MYO10: variants seen among roughly 807,000 people sequenced by gnomAD.
MYO10 encodes unconventional myosin-X.
In MYO10, 133 loss-of-function variants were observed where a neutral mutation model predicts 257.3. The ratio of observed to expected loss-of-function variants is 0.52; its 90% CI spans 0.45 to 0.60. The LOEUF (loss-of-function observed/expected upper bound fraction) is 0.60. Among genes scored for constraint, MYO10 ranks in the 20% least tolerant of loss-of-function variants. The pLI is 0.00. For synonymous variants in MYO10, 1,104 were observed against 1,028.6 expected (o/e 1.07, Z -1.40); for missense variants, 2,399 against 2,635.7 (o/e 0.91, Z 1.97).
At position 16,666,142 on chromosome 5, in the gene MYO10, T is replaced by C. The variant is rs1474571405; in HGVS notation, c.*550A>G. 4 of 152,986 alleles carry C rather than the reference T, an allele frequency of 2.6e-5. No homozygotes were observed. Among genetic ancestry groups the C allele is most frequent in the Non-Finnish European group, 5.9e-5 (4 of 68,360 alleles). 9.5% of individuals were successfully genotyped at this position (152,986 alleles called of 1,614,324 possible). A position where few individuals can be genotyped will look rare whatever the true frequency, so the allele number is the denominator to read the frequency against. On this transcript the variant is annotated 3_prime_UTR_variant, in exon 41 of 41. Coordinates refer to ENST00000513610, the MANE Select transcript of MYO10 (RefSeq NM_012334.3). ...TTAAAAGATGAAACAAAGAAAAAAG[T>C]TGATTCATGTCATTCCATGAGAAAG...
In MYO10 at chr5:16,673,691, G is replaced by T; in HGVS notation, c.5163C>A (p.Thr1721=). Residue 1721 remains threonine, a synonymous_variant, in exon 36 of 41, where the codon ACC becomes ACA. Coordinates refer to ENST00000513610, the MANE Select transcript of MYO10 (RefSeq NM_012334.3). ...AGCTGCCTCTCCTCACCTCCCCAGCGGTGGTGTGGGAGTTGATGGTGATCT... is the reference window on the plus strand; with the variant it reads ...AGCTGCCTCTCCTCACCTCCCCAGCTGTGGTGTGGGAGTTGATGGTGATCT... The part of the protein sequence containing the change: ...SCKITINSHT[T]AGEVVEKLIR... 1 of 1,613,368 alleles carries T rather than the reference G, an allele frequency of 6.2e-7. No individual in the cohort carries two copies. Among genetic ancestry groups the T allele is most frequent in the South Asian group, 1.1e-5 (1 of 91,012 alleles).
At chr5:16,739,079 C>CGTA (rs938412897) in intron 19 of MYO10, among the ~76,000 whole-genome samples, 1 of 151,546 alleles carries the variant, frequency 6.6e-6, no homozygotes, top group Non-Finnish European at 1.5e-5. Flanking sequence ...CCCAGCTACT[C>CGTA]CAGTGCCGAG....
intron 9 of MYO10, 61 bp from the exon 10 acceptor site, chr5:16,769,264 A>G (rs1297851119): frequency 2.0e-6 from 3 of 1,464,808 alleles, no homozygotes; most frequent in African/African-American, 1.4e-5. Flanking sequence ...AAAATGTAGA[A>G]TATCCCTGAT....
chr5:16,663,328 G>GTTTGTT lies in MYO10; in HGVS notation c.*3363_*3364insAACAAA, dbSNP rs1736042206. ...AAAAAGTAACATTTTACTTCTAGTTGTTTTTTTTTTTTTTTTTTTTTTTTT... is the reference window on the plus strand; with the variant it reads ...AAAAAGTAACATTTTACTTCTAGTTGTTTGTTTTTTTTTTTTTTTTTTTTTTTTTTT... On this transcript the variant is annotated 3_prime_UTR_variant, in exon 41 of 41. Coordinates refer to ENST00000513610, the MANE Select transcript of MYO10 (RefSeq NM_012334.3). 1.0e-4 allele frequency: 8 copies of GTTTGTT among 76,888 alleles called. No homozygotes were observed. Among genetic ancestry groups the GTTTGTT allele is most frequent in the African/African-American group, 5.2e-4 (8 of 15,522 alleles). 4.8% of individuals were successfully genotyped at this position (76,888 alleles called of 1,614,324 possible). A position where few individuals can be genotyped will look rare whatever the true frequency, so the allele number is the denominator to read the frequency against.
At chr5:16,760,176 G>C (rs1740662482) in intron 17 of MYO10, among the ~76,000 whole-genome samples, 1 of 151,740 alleles carries the variant, frequency 6.6e-6, no homozygotes, top group African/African-American at 2.4e-5. Context: ...CTTCCGCCGG[G>C]CATGGTGGCT....
rs113238303 is a variant in MYO10, at chr5:16,769,306, C to T, written c.931-103G>A. ...AAATTACTAGGTGTTATTGAAAAGG[C>T]AAAGAAACAAAAAATAGATGCATAA... On this transcript the variant is annotated intron_variant, in intron 9 of 40. Transcript: ENST00000513610. 7.7e-5 allele frequency: 97 copies of T among 1,257,020 alleles called. 1 individual carries two copies. In the African/African-American group the frequency reaches 1.3e-3, roughly 16 times the overall value. The allele number at this position is 1,257,020 out of a possible 1,614,324, so 77.9% of individuals were successfully genotyped here. A position where few individuals can be genotyped will look rare whatever the true frequency, so the allele number is the denominator to read the frequency against.
chr5:16,754,472 TA>T (rs953969860), intron 19 of MYO10, among the ~76,000 whole-genome samples: 33 of 148,576 alleles, frequency 2.2e-4, no homozygotes, highest in Middle Eastern at 3.5e-3. Flanking sequence ...ATAAAAACTT[TA>T]AAAAAAAAAT....
chr5:16,723,216 C>T lies in MYO10; in HGVS notation c.1930-11971G>A, dbSNP rs572437820. 2.6e-5 allele frequency among the ~76,000 whole-genome samples: 4 copies of T among 151,242 alleles called. No homozygotes were observed. In the South Asian group the frequency reaches 8.3e-4, roughly 31 times the overall value. ...TGGCTAACACAGTGAAACCCCGTCT[C>T]TACTAAAAATACAAAAAAAAAATTA... On this transcript the variant is annotated intron_variant, in intron 19 of 40. Transcript: ENST00000513610.
Position 16,684,058 on chromosome 5 carries a change from A to C in MYO10, c.3991-123T>G, listed in dbSNP as rs1237623721. ...AAGGCTCTTTTCTTTTTAACTTCAA[A>C]ATAATAGTTATCTATGAGACGACTC... On this transcript the variant is annotated intron_variant, in intron 29 of 40. Coordinates refer to ENST00000513610, the MANE Select transcript of MYO10 (RefSeq NM_012334.3). 1.1e-5 allele frequency: 9 copies of C among 842,026 alleles called. No homozygotes were observed. The African/African-American group carries it at 1.5e-4, about 14-fold the overall frequency. 52.2% of individuals were successfully genotyped at this position (842,026 alleles called of 1,614,324 possible).
rs1397395752 is a variant in MYO10, at chr5:16,769,128, G to T, written c.1006C>A (p.Leu336Ile). The change falls in exon 10 of 41, where the codon CTT (leucine) becomes ATT (isoleucine). Residue 336 changes from leucine to isoleucine, a missense_variant. Coordinates refer to ENST00000513610, the MANE Select transcript of MYO10 (RefSeq NM_012334.3). ...GCAGTGATAAATTCTATGTTCCCAA[G>T]ATGCAGTATACCAGCAAGCAGCCTC... ...VSRLLAGILH[L>I]GNIEFITAGG... 4.3e-6 allele frequency: 7 copies of T among 1,612,350 alleles called. No homozygotes were observed. Among genetic ancestry groups the T allele is most frequent in the South Asian group, 2.2e-5 (2 of 90,510 alleles).
At chr5:16,789,467 T>A (rs152705) in intron 4 of MYO10, among the ~76,000 whole-genome samples, 63,865 of 151,970 alleles carry the variant, frequency 0.42, 13,632 homozygotes, top group Non-Finnish European at 0.45. Context: ...CAAAGCCCTT[T>A]TGTTTGGAAG....
At chr5:16,749,670 C>G (rs1740326802) in intron 19 of MYO10, among the ~76,000 whole-genome samples, 1 of 152,090 alleles carries the variant, frequency 6.6e-6, no homozygotes, top group African/African-American at 2.4e-5. Flanking sequence ...GCTGCTGGAA[C>G]CCATGACGTT....
At chr5:16,905,474 T>G (rs1000964004) in intron 1 of MYO10, among the ~76,000 whole-genome samples, 6 of 152,034 alleles carry the variant, frequency 3.9e-5, no homozygotes, top group Admixed American at 2.0e-4. Flanking sequence ...CTAAGGCTAG[T>G]AGGTCTCCCT....
At chr5:16,933,935 AAAGG>A (rs2126810720) in intron 1 of MYO10, among the ~76,000 whole-genome samples, 1 of 152,368 alleles carries the variant, frequency 6.6e-6, no homozygotes, top group South Asian at 2.1e-4. Context: ...CACCAGCAGC[AAAGG>A]AAAAAGGCTC....
intron 1 of MYO10, among the ~76,000 whole-genome samples, chr5:16,895,887 C>T (rs1580125783): frequency 6.6e-6 from 1 of 151,982 alleles, no homozygotes; most frequent in East Asian, 1.9e-4. Flanking sequence ...AGTGGTAAAG[C>T]CTTAATGCAA....
intron 28 of MYO10, among the ~76,000 whole-genome samples, chr5:16,687,550 G>A (rs987913364): frequency 1.3e-5 from 2 of 151,388 alleles, no homozygotes; most frequent in Admixed American, 1.3e-4. Context: ...TAAGGCAGAG[G>A]GGAAGTACTT....
chr5:16,904,369 T>C (rs1466319559), intron 1 of MYO10, among the ~76,000 whole-genome samples: 1 of 152,092 alleles, frequency 6.6e-6, no homozygotes, highest in East Asian at 1.9e-4. Flanking sequence ...CTCCAGCAAA[T>C]TAACTGAAAC....
At chr5:16,833,218 T>G (rs901906112) in intron 2 of MYO10, among the ~76,000 whole-genome samples, 2 of 70,680 alleles carry the variant, frequency 2.8e-5, no homozygotes, top group Non-Finnish European at 2.5e-5. Flanking sequence ...ACTAGGTTTG[T>G]TTTTTTTTTT....
At position 16,664,837 on chromosome 5, in the gene MYO10, C is replaced by G. The variant is rs1441324978; in HGVS notation, c.*1855G>C. 6.6e-6 allele frequency: 1 copy of G among 152,202 alleles called. No homozygotes were observed. Among genetic ancestry groups the G allele is most frequent in the Non-Finnish European group, 1.5e-5 (1 of 68,050 alleles). 9.4% of individuals were successfully genotyped at this position (152,202 alleles called of 1,614,324 possible). On this transcript the variant is annotated 3_prime_UTR_variant, in exon 41 of 41. Transcript: ENST00000513610. Reference sequence around the variant, plus strand: ...AAGTCACACTCAGTGTCTACAAGAGCAGTGGAGACAGCTGCAGATCTGTGT... The same window carrying G: ...AAGTCACACTCAGTGTCTACAAGAGGAGTGGAGACAGCTGCAGATCTGTGT...
Sources: allele counts gnomAD v4.1 joint callset (sites outside exome capture counted in the v4.1 genomes callset), GRCh38; gene constraint gnomAD v4.1.1; transcripts MANE v1.5; gene names NCBI Gene and HGNC (gene_info 2026-07-23, HGNC 2026-07-21).